Variants in CFHR5 observed in about 807,000 individuals in gnomAD.
CFHR5 encodes complement factor H related 5.
CFHR5 carries 73 observed loss-of-function variants against 62.9 expected under a neutral mutation model. The observed-to-expected ratio is 1.16, with a 90% confidence interval of 0.96 to 1.41. CFHR5 has a LOEUF of 1.41. Ranked by LOEUF, CFHR5 falls within the 40% of genes most tolerant of loss-of-function variation. CFHR5 has a pLI of 0.00. For missense variants in CFHR5, 779 were observed against 679.9 expected, an observed-to-expected ratio of 1.15 and a Z score of -1.62; for synonymous variants, 249 against 227.2, an observed-to-expected ratio of 1.10 and a Z score of -0.86.
At chr1:196,999,064 T>A (rs1269395980) in intron 7 of CFHR5, among the ~76,000 whole-genome samples, 2 of 151,920 alleles carry the variant, frequency 1.3e-5, no homozygotes, top group African/African-American at 4.8e-5. Flanking sequence ...ACAGGAAGGA[T>A]AGGAGTTTAC....
rs943920438 is a variant in CFHR5, at chr1:196,994,082, G to A, written c.433G>A (p.Gly145Arg). 1.2e-6 allele frequency: 2 copies of A among 1,609,792 alleles called. No homozygotes were observed. The highest frequency in any genetic ancestry group is 2.7e-5 in the African/African-American group (2 of 74,690). ...STPPICSFTKGECHVPILEAN... is the reference protein window; with the variant it reads ...STPPICSFTKRECHVPILEAN... ...TGTTCATTTAATTTTATTTTTAGAA[G>A]GAGAATGTCATGTTCCAATTTTAGA... Residue 145 changes from glycine to arginine, a missense_variant and splice_region_variant, in exon 4 of 10, where the codon GGA becomes AGA. By Grantham distance (125) the Gly-to-Arg change is moderately radical (BLOSUM62 -2). Coordinates refer to ENST00000256785, the MANE Select transcript of CFHR5 (RefSeq NM_030787.4).
At chr1:196,986,894 T>C (rs1022603247) in intron 3 of CFHR5, among the ~76,000 whole-genome samples, 4 of 152,176 alleles carry the variant, frequency 2.6e-5, no homozygotes, top group Non-Finnish European at 5.9e-5. Context: ...AGTAATGAGA[T>C]CACTGGGTCA....
rs754791022 is a variant in CFHR5 at position 196,984,093 on chromosome 1, G to T, written c.386G>T (p.Cys129Phe). Residue 129 changes from cysteine (C) to phenylalanine (F), a missense_variant, in exon 3 of 10, where the codon TGT (cysteine) becomes TTT (phenylalanine). Coordinates refer to ENST00000256785, the MANE Select transcript of CFHR5 (RefSeq NM_030787.4). ...SLQNNEKNIS[C>F]VERGWSTPPI... ...CAAAACAATGAGAAAAACATTTCGTGTGTAGAACGGGGCTGGTCCACTCCT... is the reference window on the plus strand; with the variant it reads ...CAAAACAATGAGAAAAACATTTCGTTTGTAGAACGGGGCTGGTCCACTCCT... The T allele has an allele frequency of 2.7e-5, 44 of 1,613,698 alleles. No homozygotes were observed. The highest frequency in any genetic ancestry group is 3.7e-5 in the Non-Finnish European group (44 of 1,179,844).
chr1:196,980,455 T>C (rs1313031247), intron 1 of CFHR5, among the ~76,000 whole-genome samples: 4 of 152,156 alleles, frequency 2.6e-5, no homozygotes, highest in Non-Finnish European at 5.9e-5. Context: ...TACATTGGAT[T>C]ATGATGTTGT....
At chr1:196,980,749 T>C (rs1653521193) in intron 1 of CFHR5, among the ~76,000 whole-genome samples, 1 of 152,098 alleles carries the variant, frequency 6.6e-6, no homozygotes, top group Non-Finnish European at 1.5e-5. Flanking sequence ...ATAACACTCC[T>C]AGCACCATTG....
chr1:196,999,297 T>C (rs1310088430), intron 7 of CFHR5, among the ~76,000 whole-genome samples: 1 of 151,892 alleles, frequency 6.6e-6, no homozygotes, highest in Non-Finnish European at 1.5e-5. Context: ...TTTCATTATA[T>C]ATTTTTTCTA....
Position 197,009,076 on chromosome 1 carries a change from T to C in CFHR5, c.*393T>C, listed in dbSNP as rs1654369449. On this transcript the variant is annotated 3_prime_UTR_variant, in exon 10 of 10. Coordinates refer to ENST00000256785, the MANE Select transcript of CFHR5 (RefSeq NM_030787.4). ...GAAGGGATCACGTGGCAAAAGAGCA[T>C]GTACATGGGAGTGAGAGAAAAAGAG... 6.2e-6 allele frequency: 1 copy of C among 162,404 alleles called. No homozygotes were observed. The highest frequency in any genetic ancestry group is 1.3e-5 in the Non-Finnish European group (1 of 75,904). The allele number at this position is 162,404 out of a possible 1,614,324, so 10.1% of individuals were successfully genotyped here.
chr1:197,005,568 CA>C (rs1341936624), intron 9 of CFHR5, among the ~76,000 whole-genome samples: 1 of 152,062 alleles, frequency 6.6e-6, no homozygotes, highest in East Asian at 1.9e-4. Context: ...GGACAAAATA[CA>C]AAGATATGGG....
At chr1:196,997,157 C>G (rs1013844002) in intron 6 of CFHR5, among the ~76,000 whole-genome samples, 29 of 152,114 alleles carry the variant, frequency 1.9e-4, no homozygotes, top group Non-Finnish European at 1.6e-4. Flanking sequence ...GGATAATCAA[C>G]TGGCCCACTC....
At chr1:197,007,086 C>T (rs550336682) in intron 9 of CFHR5, among the ~76,000 whole-genome samples, 250 of 152,046 alleles carry the variant, frequency 1.6e-3, no homozygotes, top group Non-Finnish European at 2.5e-3. Context: ...CCACCCGCCT[C>T]GGCCTCCCAA....
intron 7 of CFHR5, among the ~76,000 whole-genome samples, chr1:197,001,163 C>A (rs1027121897): frequency 1.3e-5 from 2 of 151,972 alleles, no homozygotes; most frequent in Non-Finnish European, 2.9e-5. Flanking sequence ...TTTCTTAAAC[C>A]AGTAAATAAG....
chr1:197,004,725 A>G lies in CFHR5; in HGVS notation c.1395A>G (p.Leu465=). Residue 465 remains leucine, a synonymous_variant, in exon 9 of 10, where the codon TTA becomes TTG. Coordinates refer to ENST00000256785, the MANE Select transcript of CFHR5 (RefSeq NM_030787.4). ...INNGDTTSFP[L]SVYPPGSTVT... ...ATGGAGATACCACCTCATTCCCATTATCAGTATATCCTCCAGGGTCAACAG... is the reference window on the plus strand; with the variant it reads ...ATGGAGATACCACCTCATTCCCATTGTCAGTATATCCTCCAGGGTCAACAG... The G allele has an allele frequency of 6.2e-7, 1 of 1,613,402 alleles. No individual in the cohort carries two copies. The highest frequency in any genetic ancestry group is 8.5e-7 in the Non-Finnish European group (1 of 1,179,392).
intron 9 of CFHR5, among the ~76,000 whole-genome samples, chr1:197,006,813 G>A (rs1399382263): frequency 1.3e-5 from 2 of 151,834 alleles, no homozygotes; most frequent in Non-Finnish European, 2.9e-5. Context: ...ATTTTTAATA[G>A]CAGTTTTTTG....
chr1:197,007,168 G>A (rs377689856), intron 9 of CFHR5, among the ~76,000 whole-genome samples: 3 of 151,940 alleles, frequency 2.0e-5, no homozygotes, highest in Non-Finnish European at 4.4e-5. Flanking sequence ...AGTTGACTAA[G>A]AACATGTGGT....
chr1:197,006,833 CT>C lies in CFHR5; in HGVS notation c.1514-1647del, dbSNP rs375503093. 7.5e-4 allele frequency among the ~76,000 whole-genome samples: 114 copies of C among 151,856 alleles called. 1 individual carries two copies. The East Asian group carries it at 0.02, about 27-fold the overall frequency. On this transcript the variant is annotated intron_variant, in intron 9 of 9. Coordinates refer to ENST00000256785, the MANE Select transcript of CFHR5 (RefSeq NM_030787.4). ...TAATAGCAGTTTTTTGACATAGCAT[CT>C]TTTTTTATTTTTATTTTTTCAAGAC...
In CFHR5 at chr1:196,987,977, G is replaced by A. The variant is rs542269932; in HGVS notation, c.430+3840G>A. On this transcript the variant is annotated intron_variant, in intron 3 of 9. Coordinates refer to ENST00000256785, the MANE Select transcript of CFHR5 (RefSeq NM_030787.4). ...CCTTGGGCAGTATGGCCATTTTCAC[G>A]ATATTGATTCTTCCTCTCCATGAGC... is the stretch of plus-strand genomic sequence containing the variant. Among the ~76,000 whole-genome samples, 7 of 152,182 alleles carry A rather than the reference G, an allele frequency of 4.6e-5. No homozygotes were observed. In the South Asian group the frequency reaches 6.2e-4, roughly 14 times the overall value.
chr1:197,007,622 T>C (rs557157554), intron 9 of CFHR5, among the ~76,000 whole-genome samples: 1 of 149,444 alleles, frequency 6.7e-6, no homozygotes, highest in African/African-American at 2.4e-5. Flanking sequence ...ATATTACATA[T>C]TACATATATT....
intron 1 of CFHR5, among the ~76,000 whole-genome samples, chr1:196,980,626 G>A (rs1247751493): frequency 3.5e-5 from 5 of 143,340 alleles, no homozygotes; most frequent in African/African-American, 1.3e-4. Flanking sequence ...GTGTGTGTGT[G>A]TGTATCCCAG....
intron 3 of CFHR5, among the ~76,000 whole-genome samples, chr1:196,988,004 T>C (rs1653742556): frequency 6.6e-6 from 1 of 152,206 alleles, no homozygotes; most frequent in Admixed American, 6.5e-5. Flanking sequence ...TCCATGAGCA[T>C]GGAAAGTTCT....
Sources: allele counts gnomAD v4.1 joint callset (sites outside exome capture counted in the v4.1 genomes callset), GRCh38; gene constraint gnomAD v4.1.1; transcripts MANE v1.5; gene names NCBI Gene and HGNC (gene_info 2026-07-23, HGNC 2026-07-21).